GLIS3: variants seen among roughly 807,000 people sequenced by gnomAD.
GLIS3 encodes zinc finger protein GLIS3.
In GLIS3, 53 loss-of-function variants were observed where a neutral mutation model predicts 78.6. The observed-to-expected ratio is 0.67, with a 90% CI of 0.54 to 0.85. The LOEUF is 0.85. Among genes scored for constraint, GLIS3 ranks in the 40% least tolerant of loss-of-function variants. The pLI is 0.00. For missense variants in GLIS3, 1,703 were observed against 1,231.1 expected (o/e 1.38, Z -5.74); for synonymous variants, 684 against 509.9 (o/e 1.34, Z -4.60).
intron 4 of GLIS3, among the ~76,000 whole-genome samples, chr9:4,003,444 G>A (rs901369798): frequency 6.6e-6 from 1 of 152,096 alleles, no homozygotes; most frequent in Non-Finnish European, 1.5e-5. Context: ...CTTACCAAAC[G>A]ACAAATTGAA....
the GLIS3 span, among the ~76,000 whole-genome samples, chr9:4,391,565 GT>G: frequency 8.7e-3 from 1,321 of 151,960 alleles, 14 homozygotes; most frequent in African/African-American, 0.031. Flanking sequence ...GTGTGTGTGT[GT>G]GTGTGTGTGT....
intron 2 of GLIS3, among the ~76,000 whole-genome samples, chr9:4,149,515 G>C (rs1021721527): frequency 6.6e-6 from 1 of 152,178 alleles, no homozygotes; most frequent in Admixed American, 6.5e-5. Flanking sequence ...CACTCACGCG[G>C]AGCCTCCAAC....
chr9:4,224,426 G>C (rs1305211235), intron 2 of GLIS3, among the ~76,000 whole-genome samples: 5 of 152,164 alleles, frequency 3.3e-5, no homozygotes, highest in Non-Finnish European at 5.9e-5. Flanking sequence ...GTGAGATGTC[G>C]TTCATCATAC....
At chr9:4,409,362 T>C in the GLIS3 span, among the ~76,000 whole-genome samples, 1 of 152,192 alleles carries the variant, frequency 6.6e-6, no homozygotes, top group Non-Finnish European at 1.5e-5. Context: ...GTCAGAATAA[T>C]GTTCTCCATT....
the GLIS3 span, among the ~76,000 whole-genome samples, chr9:4,436,403 C>G: frequency 6.6e-6 from 1 of 152,076 alleles, no homozygotes; most frequent in South Asian, 2.1e-4. Flanking sequence ...CACATTCTTC[C>G]TTCTCCCTCC....
the GLIS3 span, among the ~76,000 whole-genome samples, chr9:4,372,635 A>G: frequency 3.9e-5 from 6 of 152,198 alleles, no homozygotes; most frequent in African/African-American, 1.4e-4. Flanking sequence ...AAGACTTTCT[A>G]AATTTAACTA....
In GLIS3 at chr9:4,188,845, T is replaced by C. The variant is rs199718976; in HGVS notation, c.389-62904A>G. 9.2e-5 allele frequency among the ~76,000 whole-genome samples: 14 copies of C among 152,226 alleles called. No homozygotes were observed. The East Asian group carries it at 2.3e-3, about 25-fold the overall frequency. ...TTTCTGTGGGATCGGTGGTGATATC[T>C]CCTTTATTATTTTTTATTGCATCTA... On this transcript the variant is annotated intron_variant, in intron 2 of 10. Transcript: ENST00000381971.
In GLIS3 at chr9:4,058,854, T is replaced by C. The variant is rs563397970; in HGVS notation, c.1710+58914A>G. On this transcript the variant is annotated intron_variant, in intron 4 of 10. Coordinates refer to ENST00000381971, the MANE Select transcript of GLIS3 (RefSeq NM_001042413.2). ...AAAATTAGCCGGGTTTGGTGGCAGG[T>C]GCCTGTAATCCCAGCTACTGAGGAG... is the stretch of plus-strand genomic sequence containing the variant. 5.9e-5 allele frequency among the ~76,000 whole-genome samples: 9 copies of C among 151,968 alleles called. No homozygotes were observed. In the East Asian group the frequency reaches 9.7e-4, roughly 16 times the overall value.
At chr9:4,028,262 C>T (rs1025811582) in intron 4 of GLIS3, among the ~76,000 whole-genome samples, 3 of 152,144 alleles carry the variant, frequency 2.0e-5, no homozygotes, top group African/African-American at 4.8e-5. Flanking sequence ...TACATCACTT[C>T]GCAGGACTGC....
chr9:4,161,556 A>G (rs2131084714), intron 2 of GLIS3, among the ~76,000 whole-genome samples: 1 of 152,230 alleles, frequency 6.6e-6, no homozygotes, highest in East Asian at 1.9e-4. Flanking sequence ...TATTATGGTA[A>G]GAAGCAGATA....
the GLIS3 span, among the ~76,000 whole-genome samples, chr9:4,357,698 A>G: frequency 2.6e-3 from 393 of 152,308 alleles, 2 homozygotes; most frequent in African/African-American, 9.2e-3. Flanking sequence ...ATTAGGTATC[A>G]AAATTTACAT....
At chr9:4,130,797 T>C (rs888285906) in intron 2 of GLIS3, among the ~76,000 whole-genome samples, 13 of 152,166 alleles carry the variant, frequency 8.5e-5, no homozygotes, top group African/African-American at 3.1e-4. Flanking sequence ...ACTGCAGTAC[T>C]GCGTAATGGA....
At chr9:4,381,541 A>T in the GLIS3 span, among the ~76,000 whole-genome samples, 1 of 152,220 alleles carries the variant, frequency 6.6e-6, no homozygotes, top group East Asian at 1.9e-4. Context: ...TACAGGTTTC[A>T]TTCTCTGATT....
chr9:4,443,227 G>A, the GLIS3 span, among the ~76,000 whole-genome samples: 1 of 152,130 alleles, frequency 6.6e-6, no homozygotes, highest in Non-Finnish European at 1.5e-5. Context: ...TAGACCCAGA[G>A]CCCAGCAAGC....
At chr9:3,985,497 T>C (rs1343519771) in intron 4 of GLIS3, among the ~76,000 whole-genome samples, 1 of 152,182 alleles carries the variant, frequency 6.6e-6, no homozygotes, top group African/African-American at 2.4e-5. Context: ...CTTCTACAGT[T>C]TGAGGAATCA....
chr9:4,488,474 G>C, the GLIS3 span, among the ~76,000 whole-genome samples: 1 of 151,782 alleles, frequency 6.6e-6, no homozygotes, highest in African/African-American at 2.4e-5. Context: ...GTTTTTTCCA[G>C]CTGTTTTTTT....
At chr9:3,881,719 C>T (rs1027186751) in intron 7 of GLIS3, among the ~76,000 whole-genome samples, 5 of 152,152 alleles carry the variant, frequency 3.3e-5, no homozygotes, top group African/African-American at 1.2e-4. Flanking sequence ...TTTTATATTC[C>T]ATATTGATAA....
chr9:4,279,348 C>CAG (rs1376346353), intron 2 of GLIS3, among the ~76,000 whole-genome samples: 3,926 of 64,846 alleles, frequency 0.061, 318 homozygotes, highest in African/African-American at 0.18. Context: ...CACACACACA[C>CAG]ACACACACAC....
At chr9:4,416,928 C>T in the GLIS3 span, among the ~76,000 whole-genome samples, 1 of 150,254 alleles carries the variant, frequency 6.7e-6, no homozygotes, top group Non-Finnish European at 1.5e-5. Flanking sequence ...AAGCGATTCT[C>T]CTTCCTCAGC....
Sources: gnomAD v4.1 joint callset for allele counts (sites outside exome capture counted in the v4.1 genomes callset) on GRCh38, gnomAD v4.1.1 for gene constraint, MANE v1.5 for transcripts, NCBI Gene and HGNC (gene_info 2026-07-23, HGNC 2026-07-21) for gene names.